RASA1: variants seen among roughly 807,000 people sequenced by gnomAD.
The protein encoded by RASA1 is ras GTPase-activating protein 1.
RASA1 carries 25 observed loss-of-function variants against 132.2 expected under a neutral mutation model. That is an observed-to-expected ratio of 0.19 (90% CI 0.14 to 0.26). The LOEUF (loss-of-function observed/expected upper bound fraction) is 0.26, where lower values mean the gene tolerates loss of function less well. RASA1 is among the 10% of genes least tolerant of loss of function. The pLI is 1.00. For missense variants in RASA1, 964 were observed against 1,299.2 expected, an observed-to-expected ratio of 0.74 and a Z score of 3.97; for synonymous variants, 477 against 449.9, an observed-to-expected ratio of 1.06 and a Z score of -0.76.
intron 1 of RASA1, among the ~76,000 whole-genome samples, chr5:87,285,591 G>A (rs1164903892): frequency 6.7e-6 from 1 of 149,354 alleles, no homozygotes; most frequent in African/African-American, 2.5e-5. Context: ...TTTTTTTTAA[G>A]ATTTCAGTCA....
chr5:87,327,458 TA>T (rs1757310559), intron 1 of RASA1, among the ~76,000 whole-genome samples: 1 of 152,208 alleles, frequency 6.6e-6, no homozygotes, highest in African/African-American at 2.4e-5. Context: ...ATAAAAAATG[TA>T]AAGACTTGGC....
chr5:87,366,770 G>C (rs577392292), intron 11 of RASA1, among the ~76,000 whole-genome samples: 6 of 152,288 alleles, frequency 3.9e-5, no homozygotes, highest in African/African-American at 1.4e-4. Context: ...AGTGGCTCAC[G>C]CCTGTAATCC....
chr5:87,351,200 G>A (rs775379582), intron 8 of RASA1, among the ~76,000 whole-genome samples: 32 of 151,238 alleles, frequency 2.1e-4, no homozygotes, highest in Non-Finnish European at 4.0e-4. Context: ...AAGCAGAAGA[G>A]GCATTTAATA....
chr5:87,287,162 T>C (rs1269243454), intron 1 of RASA1, among the ~76,000 whole-genome samples: 9 of 144,322 alleles, frequency 6.2e-5, no homozygotes, highest in African/African-American at 2.3e-4. Context: ...ATATACACTG[T>C]ATATATACAC....
chr5:87,353,685 G>A (rs534517091), intron 9 of RASA1, among the ~76,000 whole-genome samples: 1 of 152,142 alleles, frequency 6.6e-6, no homozygotes, highest in East Asian at 1.9e-4. Flanking sequence ...TGTATACTCT[G>A]AGTGAAAACT....
At chr5:87,353,327 T>C in intron 9 of RASA1, 92 bp downstream of exon 9, 1 of 1,011,636 alleles carries the variant, frequency 9.9e-7, no homozygotes, top group Non-Finnish European at 1.5e-6. Flanking sequence ...ACAATTCAAA[T>C]TGGATACAAC....
At chr5:87,331,048 A>G in intron 1 of RASA1, 1 of 1,254,664 alleles carries the variant, frequency 8.0e-7, no homozygotes, top group Non-Finnish European at 1.1e-6. Flanking sequence ...TGGTTGCAGT[A>G]GTGTTTATAT....
chr5:87,327,408 T>C (rs865856829), intron 1 of RASA1, among the ~76,000 whole-genome samples: 1 of 152,220 alleles, frequency 6.6e-6, no homozygotes, highest in Middle Eastern at 3.2e-3. Flanking sequence ...GAGGTTGAGA[T>C]AGAAATTAAT....
intron 9 of RASA1, among the ~76,000 whole-genome samples, chr5:87,356,681 T>C (rs1561306156): frequency 6.6e-6 from 1 of 152,192 alleles, no homozygotes. Flanking sequence ...CCCAACAGTT[T>C]TTAGTAATAA....
At chr5:87,356,174 G>C (rs906940719) in intron 9 of RASA1, among the ~76,000 whole-genome samples, 1 of 152,182 alleles carries the variant, frequency 6.6e-6, no homozygotes, top group Non-Finnish European at 1.5e-5. Flanking sequence ...AAGTTCAACT[G>C]TGGGTAAAAT....
At chr5:87,333,374 A>G in intron 4 of RASA1, 37 bp downstream of exon 4, 1 of 1,609,054 alleles carries the variant, frequency 6.2e-7, no homozygotes, top group East Asian at 2.2e-5. Context: ...AGGCATTTGA[A>G]AGAGCTAGAC....
chr5:87,360,393 G>A (rs1014956616), intron 9 of RASA1, among the ~76,000 whole-genome samples: 1 of 152,072 alleles, frequency 6.6e-6, no homozygotes, highest in Non-Finnish European at 1.5e-5. Context: ...TAAAGTACTG[G>A]GATTAAAGGC....
intron 1 of RASA1, among the ~76,000 whole-genome samples, chr5:87,281,516 A>C (rs1462223282): frequency 6.6e-6 from 1 of 152,010 alleles, no homozygotes; most frequent in African/African-American, 2.4e-5. Flanking sequence ...GCATCTTTTC[A>C]TGTGCTTATT....
chr5:87,299,104 C>A (rs1322467915), intron 1 of RASA1, among the ~76,000 whole-genome samples: 2 of 152,186 alleles, frequency 1.3e-5, no homozygotes, highest in Non-Finnish European at 2.9e-5. Flanking sequence ...TTTTCACCCT[C>A]AAAAAATTGC....
intron 13 of RASA1, among the ~76,000 whole-genome samples, chr5:87,373,863 A>G (rs143572149): frequency 3.3e-5 from 5 of 152,068 alleles, no homozygotes; most frequent in Admixed American, 1.3e-4. Flanking sequence ...TTTTCTCTTT[A>G]TCATTGTTTT....
At chr5:87,298,771 A>G (rs1185888797) in intron 1 of RASA1, among the ~76,000 whole-genome samples, 1 of 152,200 alleles carries the variant, frequency 6.6e-6, no homozygotes, top group Non-Finnish European at 1.5e-5. Flanking sequence ...ATCAAAACCT[A>G]GAGAATTGAG....
At position 87,391,836 on chromosome 5, in the gene RASA1, A is replaced by T. The variant is rs1007466977; in HGVS notation, c.*953A>T. The T allele has an allele frequency of 8.6e-6, 2 of 231,756 alleles. No homozygotes were observed. The highest frequency in any genetic ancestry group is 1.7e-5 in the Non-Finnish European group (2 of 117,354). 14.4% of individuals were successfully genotyped at this position (231,756 alleles called of 1,614,324 possible). A position where few individuals can be genotyped will look rare whatever the true frequency, so the allele number is the denominator to read the frequency against. ...TGCTGGATATTTAGTTCAACTGTAT[A>T]GTTTTATTTACTTCTGTATGTGTAT... is the stretch of plus-strand genomic sequence containing the variant. On this transcript the variant is annotated 3_prime_UTR_variant, in exon 25 of 25. Transcript: ENST00000274376.
intron 3 of RASA1, 119 bp from the exon 4 acceptor site, chr5:87,333,146 ATT>A: frequency 7.0e-7 from 1 of 1,421,038 alleles, no homozygotes; most frequent in Admixed American, 2.7e-5. Context: ...GTAAAAATTT[ATT>A]TGAATGATCC....
At chr5:87,323,473 A>T (rs1756980892) in intron 1 of RASA1, among the ~76,000 whole-genome samples, 1 of 152,174 alleles carries the variant, frequency 6.6e-6, no homozygotes, top group Admixed American at 6.5e-5. Flanking sequence ...CTGATACCAG[A>T]TGAAAGGACA....
Sources: gnomAD v4.1 joint callset for allele counts (sites outside exome capture counted in the v4.1 genomes callset) on GRCh38, gnomAD v4.1.1 for gene constraint, MANE v1.5 for transcripts, NCBI Gene and HGNC (gene_info 2026-07-23, HGNC 2026-07-21) for gene names.